The following SBF2 variants were observed in gnomAD, a reference collection of about 807,000 sequenced individuals.
The protein encoded by SBF2 is SET binding factor 2, also known as myotubularin-related protein 13.
Under a neutral mutation model 225.2 loss-of-function variants are expected in SBF2, and 112 were observed. The ratio of observed to expected loss-of-function variants is 0.50; its 90% CI spans 0.43 to 0.58. The LOEUF (loss-of-function observed/expected upper bound fraction) is 0.58. Among genes scored for constraint, SBF2 ranks in the 20% least tolerant of loss-of-function variants. The probability of loss-of-function intolerance (pLI) is 0.00; values close to 1 mark genes in which losing one functional copy is unlikely to be tolerated. For missense variants in SBF2, 1,996 were observed against 2,206.2 expected (o/e 0.90, Z 1.91); for synonymous variants, 763 against 773.3 (o/e 0.99, Z 0.22).
chr11:10,161,638 G>A (rs980253204), intron 2 of SBF2, among the ~76,000 whole-genome samples: 2 of 152,032 alleles, frequency 1.3e-5, no homozygotes, highest in African/African-American at 4.8e-5. Flanking sequence ...ATCAGTTCTG[G>A]CCAAAGAGAT....
At chr11:10,302,236 C>G (rs958543232) in intron 1 of SBF2, among the ~76,000 whole-genome samples, 6 of 152,198 alleles carry the variant, frequency 3.9e-5, no homozygotes, top group African/African-American at 1.2e-4. Context: ...ATTAAACAAA[C>G]TCGAGATTTC....
intron 1 of SBF2, among the ~76,000 whole-genome samples, chr11:10,202,109 T>C (rs1338324717): frequency 1.3e-5 from 2 of 152,208 alleles, no homozygotes; most frequent in African/African-American, 2.4e-5. Context: ...TTCTTCAGAA[T>C]GCATCATTTT....
chr11:10,044,484 G>A, intron 2 of SBF2: 1 of 167,516 alleles, frequency 6.0e-6, no homozygotes, highest in Non-Finnish European at 1.3e-5. Flanking sequence ...ACGCAAAGGG[G>A]AGAAGGGAAA....
At position 9,901,196 on chromosome 11, in the gene SBF2, G is replaced by C. The variant is rs576963107; in HGVS notation, c.1861-5185C>G. Among the ~76,000 whole-genome samples the C allele has an allele frequency of 2.0e-5, 3 of 152,246 alleles. No homozygotes were observed. The East Asian group carries it at 5.8e-4, about 29-fold the overall frequency. ...TTGGCAAGAAAGCAAGGAATATGCA[G>C]ACCAAAATATAAGTAGAAACTTGGA... On this transcript the variant is annotated intron_variant, in intron 16 of 39. Coordinates refer to ENST00000256190, the MANE Select transcript of SBF2 (RefSeq NM_030962.4).
At chr11:9,819,039 T>C (rs889071131) in intron 28 of SBF2, among the ~76,000 whole-genome samples, 1 of 152,226 alleles carries the variant, frequency 6.6e-6, no homozygotes, top group African/African-American at 2.4e-5. Context: ...TCTTTCTACG[T>C]AGTTTACGAG....
At chr11:9,818,425 G>A (rs1421241374) in intron 28 of SBF2, among the ~76,000 whole-genome samples, 1 of 152,224 alleles carries the variant, frequency 6.6e-6, no homozygotes, top group Non-Finnish European at 1.5e-5. Flanking sequence ...GACTAGCACT[G>A]TATCACCTTC....
chr11:10,230,002 T>C (rs1328897194), intron 1 of SBF2, among the ~76,000 whole-genome samples: 6 of 152,176 alleles, frequency 3.9e-5, no homozygotes, highest in African/African-American at 1.4e-4. Context: ...TGCTCCTGTA[T>C]TGGGTGCATA....
At chr11:9,951,254 G>T (rs192687559) in intron 16 of SBF2, among the ~76,000 whole-genome samples, 49 of 152,262 alleles carry the variant, frequency 3.2e-4, no homozygotes, top group African/African-American at 1.2e-3. Context: ...ATATAGGCAG[G>T]GGCCAAGATA....
At chr11:10,015,444 G>A (rs923489089) in intron 6 of SBF2, among the ~76,000 whole-genome samples, 1 of 152,124 alleles carries the variant, frequency 6.6e-6, no homozygotes, top group Admixed American at 6.5e-5. Flanking sequence ...CCAGCTTCTG[G>A]TGACTTCTCA....
intron 2 of SBF2, among the ~76,000 whole-genome samples, chr11:10,174,120 C>G (rs1000550273): frequency 3.9e-5 from 6 of 152,040 alleles, no homozygotes; most frequent in East Asian, 2.0e-4. Context: ...TCCTCCAAAG[C>G]AACACAGTTC....
intron 2 of SBF2, among the ~76,000 whole-genome samples, chr11:10,173,218 C>T (rs191518115): frequency 0.015 from 2,257 of 152,278 alleles, 29 homozygotes; most frequent in Middle Eastern, 0.034. Flanking sequence ...ACGCAGAAGA[C>T]GGGTGATTTC....
intron 17 of SBF2, among the ~76,000 whole-genome samples, chr11:9,880,438 C>T (rs1372994101): frequency 2.6e-5 from 4 of 152,168 alleles, no homozygotes; most frequent in African/African-American, 9.7e-5. Flanking sequence ...GCAGAGGCTG[C>T]CCCTTAGATG....
chr11:10,197,257 TAG>T (rs768369985), intron 1 of SBF2, among the ~76,000 whole-genome samples: 1 of 152,160 alleles, frequency 6.6e-6, no homozygotes, highest in Non-Finnish European at 1.5e-5. Flanking sequence ...TTCAAACTGG[TAG>T]AGGATCTGGA....
chr11:10,129,087 C>A (rs1056043436), intron 2 of SBF2, among the ~76,000 whole-genome samples: 5 of 147,220 alleles, frequency 3.4e-5, no homozygotes, highest in African/African-American at 1.2e-4. Flanking sequence ...GTTATTTGCA[C>A]GCAATTTTCT....
rs868082315 is a variant in SBF2, at chr11:10,141,899, G to A, written c.141+52003C>T. On this transcript the variant is annotated intron_variant, in intron 2 of 39. Transcript: ENST00000256190. ...TTTAAATGTGTTCAAATCTGACTTC[G>A]TAGAGCATTTGATGTAACATTCAGG... Among the ~76,000 whole-genome samples the A allele has an allele frequency of 2.8e-4, 43 of 152,106 alleles. 1 individual carries two copies. The highest frequency in any genetic ancestry group is 2.9e-5 in the Non-Finnish European group (2 of 67,994).
At chr11:9,890,694 T>C (rs1228444341) in intron 17 of SBF2, among the ~76,000 whole-genome samples, 10 of 152,128 alleles carry the variant, frequency 6.6e-5, no homozygotes, top group Non-Finnish European at 1.5e-4. Flanking sequence ...TGAGTATCAA[T>C]AACCAACAGA....
In SBF2 at chr11:10,201,282, C is replaced by T. The variant is rs574839481; in HGVS notation, c.56-7295G>A. 3.8e-3 allele frequency among the ~76,000 whole-genome samples: 580 copies of T among 152,284 alleles called. 4 individuals carry two copies. The highest frequency in any genetic ancestry group is 5.4e-3 in the South Asian group (26 of 4,830). ...TCCCATTTGTGATTTGGAAAATCTG[C>T]TTTTGAGCAAATGATTTTTTTAAAA... On this transcript the variant is annotated intron_variant, in intron 1 of 39. Coordinates refer to ENST00000256190, the MANE Select transcript of SBF2 (RefSeq NM_030962.4).
At position 10,294,085 on chromosome 11, in the gene SBF2, G is replaced by GCTCGGGAAGCGGGTCCCCGTCGCCGCC; in HGVS notation, c.-43_-17dup. On this transcript the variant is annotated 5_prime_UTR_variant, in exon 1 of 40. Coordinates refer to ENST00000256190, the MANE Select transcript of SBF2 (RefSeq NM_030962.4). ...GCCGGGCCATGGCCGCCGCCGCCGC[G>GCTCGGGAAGCGGGTCCCCGTCGCCGCC]CTCGGGAAGCGGGTCCCCGTCGCCG... The GCTCGGGAAGCGGGTCCCCGTCGCCGCC allele has an allele frequency of 7.4e-7, 1 of 1,356,810 alleles. No individual in the cohort carries two copies. Among genetic ancestry groups the GCTCGGGAAGCGGGTCCCCGTCGCCGCC allele is most frequent in the Non-Finnish European group, 9.5e-7 (1 of 1,053,864 alleles). The allele number at this position is 1,356,810 out of a possible 1,614,324, so 84.0% of individuals were successfully genotyped here.
chr11:10,125,302 C>A (rs139812061), intron 2 of SBF2, among the ~76,000 whole-genome samples: 157 of 152,094 alleles, frequency 1.0e-3, no homozygotes, highest in Non-Finnish European at 1.9e-3. Flanking sequence ...TAATACTTTG[C>A]TTAGGATTTT....
Sources: allele counts gnomAD v4.1 joint callset (sites outside exome capture counted in the v4.1 genomes callset), GRCh38; gene constraint gnomAD v4.1.1; transcripts MANE v1.5; gene names NCBI Gene and HGNC (gene_info 2026-07-23, HGNC 2026-07-21).